The following UTP14A variants were observed in gnomAD, a reference collection of about 807,000 sequenced individuals.
UTP14A encodes the protein U3 small nucleolar RNA-associated protein 14 homolog A.
UTP14A carries 5 observed loss-of-function variants against 57.2 expected under a neutral mutation model. That is an observed-to-expected ratio of 0.09 (90% confidence interval 0.05 to 0.18). The LOEUF is 0.18. Ranked by LOEUF, UTP14A falls within the 10% of genes least tolerant of loss-of-function variation. UTP14A has a pLI of 1.00. For synonymous variants in UTP14A, 169 were observed against 210.9 expected (o/e 0.80, Z 1.72); for missense variants, 430 against 562.1 (o/e 0.76, Z 2.38).
chrX:129,920,919 G>A, intron 10 of UTP14A, 167 bp downstream of exon 10: 1 of 754,422 alleles, frequency 1.3e-6, no homozygotes, highest in Non-Finnish European at 1.6e-6. Context: ...GAAAAGGAGA[G>A]ATGAAAGGGA....
intron 2 of UTP14A, 137 bp downstream of exon 2, chrX:129,907,579 A>C: frequency 2.0e-6 from 1 of 490,119 alleles, no homozygotes; most frequent in Non-Finnish European, 3.3e-6. Context: ...CATATATAAG[A>C]TACTGTATCA....
At chrX:129,908,839 C>A in intron 4 of UTP14A, 105 bp downstream of exon 4, 3 of 737,310 alleles carry the variant, frequency 4.1e-6, no homozygotes, top group Non-Finnish European at 6.2e-6. Flanking sequence ...TGGTTAATGA[C>A]TCATACCATA....
rs1930091257 is a variant in UTP14A, at chrX:129,925,993, C to T, written c.1824C>T (p.Phe608=). Residue 608 remains phenylalanine, a synonymous_variant, in exon 13 of 15, where the codon TTC becomes TTT. Transcript: ENST00000394422. ...AFAGDDVIRD[F]LKEKREAVEA... is the part of the protein sequence containing the mutation. ...CTGGGGATGATGTCATCAGAGATTT[C>T]TTGAAAGAGAAGAGGGAAGCTGTGG... The T allele has an allele frequency of 8.3e-7, 1 of 1,210,006 alleles. No individual in the cohort carries two copies. The highest frequency in any genetic ancestry group is 1.8e-5 in the South Asian group (1 of 56,783).
Position 129,921,321 on chromosome X carries a change from T to C in UTP14A, c.1082T>C (p.Val361Ala). The stretch of plus-strand genomic sequence containing the variant: ...GTGGAAGAACTCCTTGTCCCTGATG[T>C]AGTGAATGAAGTGCAGATGAATGCA... ...EDVEELLVPDVVNEVQMNADG... is the reference protein window; with the variant it reads ...EDVEELLVPDAVNEVQMNADG... The change falls in exon 11 of 15, where the codon GTA becomes GCA. Residue 361 changes from valine to alanine, a missense_variant. Around this residue, in one of 4 missense-constraint regions of UTP14A, gnomAD observed 83 missense variants for 140.4 expected, o/e 0.59. Coordinates refer to ENST00000394422, the MANE Select transcript of UTP14A (RefSeq NM_006649.4). 8.3e-7 allele frequency: 1 copy of C among 1,211,358 alleles called. No homozygotes were observed. The highest frequency in any genetic ancestry group is 1.1e-6 in the Non-Finnish European group (1 of 895,477).
At chrX:129,908,182 C>G (rs1316574246) in intron 3 of UTP14A, 52 bp downstream of exon 3, 1 of 1,034,272 alleles carries the variant, frequency 9.7e-7, no homozygotes, top group Non-Finnish European at 1.3e-6. Flanking sequence ...CGTGAGATTT[C>G]TCTGCAGCTA....
At chrX:129,925,257 T>A in intron 12 of UTP14A, 62 bp downstream of exon 12, 1 of 1,157,152 alleles carries the variant, frequency 8.6e-7, no homozygotes, top group Non-Finnish European at 1.2e-6. Flanking sequence ...CAAGGAGTAA[T>A]GAAGCTTTGT....
intron 4 of UTP14A, among the ~76,000 whole-genome samples, chrX:129,909,703 C>G (rs747076811): frequency 1.8e-5 from 2 of 111,269 alleles, no homozygotes; most frequent in Non-Finnish European, 3.8e-5. Context: ...GTAAAATTGC[C>G]CCTGTTCAGA....
chrX:129,906,744 T>C (rs1248405003), intron 1 of UTP14A, among the ~76,000 whole-genome samples: 1 of 107,733 alleles, frequency 9.3e-6, no homozygotes, highest in South Asian at 4.2e-4. Flanking sequence ...AATGGTACAT[T>C]TTATAATTTG....
intron 1 of UTP14A, among the ~76,000 whole-genome samples, chrX:129,906,649 G>GCCCCCCCCCCCCCCCC (rs750133698): frequency 5.0e-5 from 5 of 100,481 alleles, no homozygotes; most frequent in African/African-American, 1.5e-4. Flanking sequence ...GATGTTTTGT[G>GCCCCCCCCCCCCCCCC]CCCCCCCCAC....
Position 129,919,409 on chromosome X carries a change from A to G in UTP14A, c.672A>G (p.Arg224=). The G allele has an allele frequency of 8.3e-7, 1 of 1,212,083 alleles. No individual in the cohort carries two copies. The highest frequency in any genetic ancestry group is 1.1e-6 in the Non-Finnish European group (1 of 895,592). The change falls in exon 8 of 15, where the codon CGA becomes CGG. Residue 224 remains arginine (R), a synonymous_variant. Coordinates refer to ENST00000394422, the MANE Select transcript of UTP14A (RefSeq NM_006649.4). ...AMSLEEAKMR[R]AELQRARALQ... ...ATTTGTTGTAGGCAAAGATGCGACG[A>G]GCAGAGCTTCAGAGGGCTCGGGCTC...
At chrX:129,913,243 A>T (rs1240468066) in intron 6 of UTP14A, 1 of 268,626 alleles carries the variant, frequency 3.7e-6, no homozygotes, top group African/African-American at 2.8e-5. Flanking sequence ...TTGAGCGAGT[A>T]GTTGCTTATT....
chrX:129,918,396 C>CA (rs766869516), intron 6 of UTP14A, among the ~76,000 whole-genome samples: 2,262 of 49,412 alleles, frequency 0.046, 55 homozygotes, highest in African/African-American at 0.08. Context: ...TCTCAGAAAA[C>CA]AAAAAAAAAA....
chrX:129,909,112 G>A (rs1929362885), intron 4 of UTP14A, among the ~76,000 whole-genome samples: 1 of 111,313 alleles, frequency 9.0e-6, no homozygotes, highest in African/African-American at 3.3e-5. Flanking sequence ...CCAGAGCTCA[G>A]AGAGGTCACA....
intron 7 of UTP14A, 26 bp from the exon 8 acceptor site, chrX:129,919,368 TG>T (rs1235166378): frequency 9.1e-6 from 11 of 1,209,645 alleles, no homozygotes; most frequent in Non-Finnish European, 1.2e-5. Context: ...CTGGCCCAGG[TG>T]TCACTGTAAG....
At chrX:129,921,138 A>C in intron 10 of UTP14A, 56 bp from the exon 11 acceptor site, 1 of 1,154,730 alleles carries the variant, frequency 8.7e-7, no homozygotes, top group Non-Finnish European at 1.1e-6. Context: ...GGACCAGGAA[A>C]GGTGTTATTG....
chrX:129,924,337 A>G (rs1278218112), intron 11 of UTP14A, among the ~76,000 whole-genome samples: 1 of 92,654 alleles, frequency 1.1e-5, no homozygotes, highest in East Asian at 3.4e-4. Context: ...CCTAGGCTGG[A>G]GTGCAGTGGC....
chrX:129,918,974 T>C (rs186698216), intron 6 of UTP14A, among the ~76,000 whole-genome samples: 106 of 111,929 alleles, frequency 9.5e-4, no homozygotes, highest in African/African-American at 3.3e-3. Flanking sequence ...CCTGCTGAAG[T>C]TGTCTTATAT....
intron 6 of UTP14A, among the ~76,000 whole-genome samples, chrX:129,915,147 G>A (rs1269744657): frequency 2.7e-5 from 3 of 111,683 alleles, no homozygotes; most frequent in African/African-American, 6.5e-5. Context: ...CCCAGGAGGC[G>A]GAGGTTGCAG....
At chrX:129,908,636 T>C (rs1569335262) in intron 3 of UTP14A, 34 bp from the exon 4 acceptor site, 3 of 1,184,124 alleles carry the variant, frequency 2.5e-6, no homozygotes, top group Non-Finnish European at 3.4e-6. Flanking sequence ...ATAAAATTTA[T>C]TCATTCCTAT....
Sources: allele counts gnomAD v4.1 joint callset (sites outside exome capture counted in the v4.1 genomes callset), GRCh38; gene constraint gnomAD v4.1.1; regional missense constraint gnomAD v4.1.1; transcripts MANE v1.5; gene names NCBI Gene and HGNC (gene_info 2026-07-23, HGNC 2026-07-21).